The following IQGAP1 variants were observed in gnomAD, a reference collection of about 807,000 sequenced individuals.
The protein encoded by IQGAP1 is IQ motif containing GTPase activating protein 1, also known as ras GTPase-activating-like protein IQGAP1.
Under a neutral mutation model 215.6 loss-of-function variants are expected in IQGAP1, and 66 were observed. The observed-to-expected ratio is 0.31, with a 90% confidence interval of 0.25 to 0.38. The LOEUF is 0.38. Ranked by LOEUF, IQGAP1 falls within the 10% of genes least tolerant of loss-of-function variation. IQGAP1 has a pLI of 1.00. For missense variants in IQGAP1, 1,712 were observed against 1,997.1 expected (o/e 0.86, Z 2.72); for synonymous variants, 772 against 728.7 (o/e 1.06, Z -0.96).
chr15:90,433,707 A>T lies in IQGAP1; in HGVS notation c.391-12A>T, dbSNP rs763702383. 2 of 1,516,340 alleles carry T rather than the reference A, an allele frequency of 1.3e-6. No individual in the cohort carries two copies. Among genetic ancestry groups the T allele is most frequent in the Non-Finnish European group, 1.8e-6 (2 of 1,096,720 alleles). The allele number at this position is 1,516,340 out of a possible 1,614,324, so 93.9% of individuals were successfully genotyped here. A position where few individuals can be genotyped will look rare whatever the true frequency, so the allele number is the denominator to read the frequency against. Reference sequence around the variant, plus strand: ...ATGGATATCTTACTCTGTTTCTTTTATTTCTCCCTAGATTTTTTACCCAGA... The same window carrying T: ...ATGGATATCTTACTCTGTTTCTTTTTTTTCTCCCTAGATTTTTTACCCAGA... On this transcript the variant is annotated splice_polypyrimidine_tract_variant and intron_variant, in intron 4 of 37. Coordinates refer to ENST00000268182, the MANE Select transcript of IQGAP1 (RefSeq NM_003870.4).
rs1965595857 is a variant in IQGAP1, at chr15:90,450,899, T to C, written c.1162+1256T>C. Among the ~76,000 whole-genome samples the C allele has an allele frequency of 7.2e-5, 11 of 152,134 alleles. No individual in the cohort carries two copies. The South Asian group carries it at 2.3e-3, about 32-fold the overall frequency. ...TCAGATGGATCGTTTGCAAATGTTT[T>C]CTCCTGTTCTATATGTTGTCTCTTC... On this transcript the variant is annotated intron_variant, in intron 11 of 37. Coordinates refer to ENST00000268182, the MANE Select transcript of IQGAP1 (RefSeq NM_003870.4).
intron 3 of IQGAP1, 21 bp from the exon 4 acceptor site, chr15:90,429,568 A>G (rs1965274204): frequency 1.9e-6 from 3 of 1,548,420 alleles, no homozygotes; most frequent in Non-Finnish European, 2.6e-6. Flanking sequence ...AATAATACCT[A>G]ATTTTCTTTT....
At chr15:90,492,317 G>C (rs1446834884) in intron 34 of IQGAP1, among the ~76,000 whole-genome samples, 2 of 151,448 alleles carry the variant, frequency 1.3e-5, no homozygotes, top group East Asian at 1.9e-4. Flanking sequence ...GTAAGTCCTG[G>C]CTACTCTGGA....
intron 15 of IQGAP1, among the ~76,000 whole-genome samples, chr15:90,458,068 C>G (rs2283443): frequency 0.19 from 28,531 of 152,096 alleles, 2,788 homozygotes; most frequent in South Asian, 0.23. Flanking sequence ...CCCTGGGCAA[C>G]CATCAGACTG....
chr15:90,430,928 AATAT>A (rs1258562281), intron 4 of IQGAP1, among the ~76,000 whole-genome samples: 1 of 148,268 alleles, frequency 6.7e-6, no homozygotes, highest in South Asian at 2.1e-4. Flanking sequence ...TATATAGATA[AATAT>A]ATGACTTATA....
In IQGAP1 at chr15:90,414,215, G is replaced by A. The variant is rs919026318; in HGVS notation, c.156-11895G>A. On this transcript the variant is annotated intron_variant, in intron 2 of 37. Coordinates refer to ENST00000268182, the MANE Select transcript of IQGAP1 (RefSeq NM_003870.4). ...CATGCCTGTAATCCCAGTACTTTGGGAGATGGAGAAGGGGGCGGGGAGGGA... is the reference window on the plus strand; with the variant it reads ...CATGCCTGTAATCCCAGTACTTTGGAAGATGGAGAAGGGGGCGGGGAGGGA... Among the ~76,000 whole-genome samples, 5 of 152,048 alleles carry A rather than the reference G, an allele frequency of 3.3e-5. No individual in the cohort carries two copies. In the South Asian group the frequency reaches 8.3e-4, roughly 25 times the overall value.
intron 5 of IQGAP1, among the ~76,000 whole-genome samples, chr15:90,435,472 T>C (rs1477227080): frequency 1.3e-5 from 2 of 152,206 alleles, no homozygotes; most frequent in African/African-American, 4.8e-5. Context: ...CGAGACTCTG[T>C]CTCTAAAAAA....
In IQGAP1 at chr15:90,483,350, G is replaced by A. The variant is rs924557106; in HGVS notation, c.3556-11G>A. On this transcript the variant is annotated splice_polypyrimidine_tract_variant and intron_variant, in intron 28 of 37. Transcript: ENST00000268182. Reference sequence around the variant, plus strand: ...CTTTTAATACCCATCTTTCTGTTTCGTCTGTTCCAGATTATTGGTAACTTG... The same window carrying A: ...CTTTTAATACCCATCTTTCTGTTTCATCTGTTCCAGATTATTGGTAACTTG... The A allele has an allele frequency of 3.8e-6, 6 of 1,594,038 alleles. No individual in the cohort carries two copies. The highest frequency in any genetic ancestry group is 2.2e-5 in the East Asian group (1 of 44,768).
At chr15:90,489,424 G>C (rs567804969) in intron 33 of IQGAP1, among the ~76,000 whole-genome samples, 2 of 152,226 alleles carry the variant, frequency 1.3e-5, no homozygotes, top group South Asian at 2.1e-4. Context: ...CACTGCACCC[G>C]GCCATAGACC....
chr15:90,404,770 A>G (rs1482621754), intron 2 of IQGAP1, among the ~76,000 whole-genome samples: 1 of 151,964 alleles, frequency 6.6e-6, no homozygotes, highest in African/African-American at 2.4e-5. Context: ...TAGTAGAGAC[A>G]GGGTTTTGCC....
Position 90,484,209 on chromosome 15 carries a change from G to A in IQGAP1, c.3789-11G>A. The A allele has an allele frequency of 6.2e-7, 1 of 1,612,702 alleles. No individual in the cohort carries two copies. Among genetic ancestry groups the A allele is most frequent in the Non-Finnish European group, 8.5e-7 (1 of 1,179,478 alleles). ...CCCTTTTTGGGGGGCTGCCTCCTGT[G>A]CTTATTTCAGACGGTTTTTCCAAAC... On this transcript the variant is annotated splice_polypyrimidine_tract_variant and intron_variant, in intron 29 of 37. Coordinates refer to ENST00000268182, the MANE Select transcript of IQGAP1 (RefSeq NM_003870.4).
intron 2 of IQGAP1, among the ~76,000 whole-genome samples, chr15:90,414,579 C>T (rs867690361): frequency 9.2e-5 from 14 of 152,098 alleles, no homozygotes; most frequent in Admixed American, 1.3e-4. Context: ...CCGTGATTGC[C>T]ATTGTGTGAT....
Position 90,476,772 on chromosome 15 carries a change from A to C in IQGAP1, c.2894A>C (p.Lys965Thr), listed in dbSNP as rs1300869096. ...KGGLKALSKEKREKLEAYQHL... is the reference protein window; with the variant it reads ...KGGLKALSKETREKLEAYQHL... ...GGTCTCAAGGCTTTGAGCAAGGAGA[A>C]GAGAGAGAAGTTGGAAGCTTACCAG... Residue 965 changes from lysine (K) to threonine (T), a missense_variant, in exon 24 of 38, where the codon AAG becomes ACG. Lys to Thr is a moderately conservative substitution (Grantham distance 78). Around this residue, in one of 2 missense-constraint regions of IQGAP1, gnomAD observed 691 missense variants for 923.0 expected, o/e 0.75. Transcript: ENST00000268182. 2.5e-6 allele frequency: 4 copies of C among 1,606,888 alleles called. No homozygotes were observed. The highest frequency in any genetic ancestry group is 2.5e-6 in the Non-Finnish European group (3 of 1,178,462).
Position 90,496,306 on chromosome 15 carries a change from C to CTTTTTTTTTTTT in IQGAP1, c.4752-908_4752-897dup, listed in dbSNP as rs552222380. ...GATCATCCAGAGAACAGCATAATCC[C>CTTTTTTTTTTTT]TTTTTTTTTTTTTTTTTTTTTTTTT... On this transcript the variant is annotated intron_variant, in intron 36 of 37. Transcript: ENST00000268182. Among the ~76,000 whole-genome samples, 64 of 106,112 alleles carry CTTTTTTTTTTTT rather than the reference C, an allele frequency of 6.0e-4. 5 individuals are homozygous for CTTTTTTTTTTTT. The highest frequency in any genetic ancestry group is 2.7e-3 in the African/African-American group (60 of 22,580). The allele number at this position is 106,112 out of a possible 152,430, so 69.6% of individuals were successfully genotyped here.
intron 1 of IQGAP1, among the ~76,000 whole-genome samples, 190 bp downstream of exon 1, chr15:90,388,586 G>T (rs546110536): frequency 1.3e-5 from 2 of 152,062 alleles, no homozygotes. Flanking sequence ...CTCGGGGTCC[G>T]AGGCGGCGGA....
At chr15:90,451,164 G>T (rs1378236583) in intron 11 of IQGAP1, among the ~76,000 whole-genome samples, 1 of 152,082 alleles carries the variant, frequency 6.6e-6, no homozygotes, top group Non-Finnish European at 1.5e-5. Context: ...TAGGGATCTA[G>T]CTTTATTCTT....
rs1596292249 is a variant in IQGAP1, at chr15:90,487,597, C to A, written c.4248+15C>A. On this transcript the variant is annotated intron_variant, in intron 33 of 37. Coordinates refer to ENST00000268182, the MANE Select transcript of IQGAP1 (RefSeq NM_003870.4). ...CCAGTGAACAGGTAAAATTTAGGGT[C>A]TAACATACTCCTTTGTTTGGTAGAT... 6.5e-6 allele frequency: 10 copies of A among 1,547,990 alleles called. No individual in the cohort carries two copies. The highest frequency in any genetic ancestry group is 1.7e-4 in the Middle Eastern group (1 of 5,960).
chr15:90,481,138 G>A (rs578173049), intron 26 of IQGAP1, among the ~76,000 whole-genome samples: 2 of 152,182 alleles, frequency 1.3e-5, no homozygotes, highest in South Asian at 4.1e-4. Context: ...TGGAAACTCT[G>A]TTTCTTGACT....
chr15:90,389,972 A>T (rs960248286), intron 1 of IQGAP1, among the ~76,000 whole-genome samples: 1 of 136,468 alleles, frequency 7.3e-6, no homozygotes, highest in Admixed American at 7.5e-5. Context: ...AAAAAAAAAA[A>T]GTTTGATAGG....
Sources: gnomAD v4.1 joint callset for allele counts (sites outside exome capture counted in the v4.1 genomes callset) on GRCh38, gnomAD v4.1.1 for gene constraint, gnomAD v4.1.1 regional missense constraint, MANE v1.5 for transcripts, NCBI Gene and HGNC (gene_info 2026-07-23, HGNC 2026-07-21) for gene names.